ARB2A: variants seen among roughly 807,000 people sequenced by gnomAD.
The protein encoded by ARB2A is cotranscriptional regulator ARB2A.
the ARB2A span, among the ~76,000 whole-genome samples, chr5:93,858,067 C>A: frequency 6.6e-6 from 1 of 152,160 alleles, no homozygotes; most frequent in Admixed American, 6.5e-5. Context: ...AGAAAAGGCA[C>A]ATAAGGCAAA....
chr5:93,784,645 T>C, the ARB2A span: 2 of 598,056 alleles, frequency 3.3e-6, no homozygotes, highest in Admixed American at 3.0e-5. Flanking sequence ...TTTTTTGCAT[T>C]GAACACACAC....
chr5:93,812,711 A>G, the ARB2A span, among the ~76,000 whole-genome samples: 1 of 152,200 alleles, frequency 6.6e-6, no homozygotes, highest in African/African-American at 2.4e-5. Flanking sequence ...AAATATTAGA[A>G]GTTTAATATG....
the ARB2A span, among the ~76,000 whole-genome samples, chr5:94,019,537 A>G: frequency 6.6e-6 from 1 of 152,206 alleles, no homozygotes; most frequent in Admixed American, 6.5e-5. Flanking sequence ...ATATGGAAAA[A>G]AGCTCATCAT....
chr5:94,004,766 C>T, the ARB2A span, among the ~76,000 whole-genome samples: 5 of 151,728 alleles, frequency 3.3e-5, no homozygotes, highest in Non-Finnish European at 5.9e-5. Flanking sequence ...CCTCTAGTAA[C>T]ATTTTCATCA....
the ARB2A span, among the ~76,000 whole-genome samples, chr5:93,975,516 C>A: frequency 6.6e-6 from 1 of 151,876 alleles, no homozygotes; most frequent in Non-Finnish European, 1.5e-5. Flanking sequence ...AAATTTGGTT[C>A]TTTGAAAGAT....
At chr5:93,834,188 T>C in the ARB2A span, among the ~76,000 whole-genome samples, 1 of 152,214 alleles carries the variant, frequency 6.6e-6, no homozygotes, top group East Asian at 1.9e-4. Context: ...TAATAAGTGA[T>C]AGTTGAAAGT....
At chr5:93,920,958 G>T in the ARB2A span, among the ~76,000 whole-genome samples, 2 of 151,986 alleles carry the variant, frequency 1.3e-5, no homozygotes, top group Non-Finnish European at 2.9e-5. Context: ...ATTGTGTTTA[G>T]TGTAATACCG....
At chr5:93,764,657 T>C in the ARB2A span, among the ~76,000 whole-genome samples, 1 of 152,112 alleles carries the variant, frequency 6.6e-6, no homozygotes. Flanking sequence ...ACTATTCCTA[T>C]CAATAGAAAA....
the ARB2A span, among the ~76,000 whole-genome samples, chr5:93,628,921 C>G: frequency 6.6e-6 from 1 of 152,226 alleles, no homozygotes; most frequent in South Asian, 2.1e-4. Context: ...TGGAGTAGCA[C>G]TTTTAATTTC....
chr5:93,766,634 T>C, the ARB2A span, among the ~76,000 whole-genome samples: 183 of 152,288 alleles, frequency 1.2e-3, no homozygotes, highest in African/African-American at 4.2e-3. Context: ...AGTGTGGCAA[T>C]TCCTCAGGGA....
chr5:93,937,117 C>T, the ARB2A span, among the ~76,000 whole-genome samples: 1 of 151,800 alleles, frequency 6.6e-6, no homozygotes, highest in African/African-American at 2.4e-5. Flanking sequence ...TCATGATCCG[C>T]CCGCCCCTGC....
chr5:93,851,515 C>T, the ARB2A span, among the ~76,000 whole-genome samples: 1 of 152,110 alleles, frequency 6.6e-6, no homozygotes, highest in Non-Finnish European at 1.5e-5. Flanking sequence ...AGGTTAGTTA[C>T]ACATGTATAC....
the ARB2A span, among the ~76,000 whole-genome samples, chr5:94,031,894 A>G: frequency 6.6e-6 from 1 of 152,246 alleles, no homozygotes; most frequent in African/African-American, 2.4e-5. Context: ...CCATGGCTCA[A>G]GTGAACCAAG....
chr5:93,817,267 A>G, the ARB2A span, among the ~76,000 whole-genome samples: 1 of 152,168 alleles, frequency 6.6e-6, no homozygotes, highest in African/African-American at 2.4e-5. Context: ...ATACTTAGAA[A>G]TAAATTTAAG....
the ARB2A span, among the ~76,000 whole-genome samples, chr5:94,097,856 C>A: frequency 3.3e-5 from 5 of 151,268 alleles, no homozygotes; most frequent in African/African-American, 1.2e-4. Context: ...ACCACCCCAC[C>A]CCACCGCTGG....
the ARB2A span, among the ~76,000 whole-genome samples, chr5:93,859,374 A>G: frequency 6.6e-6 from 1 of 152,106 alleles, no homozygotes; most frequent in East Asian, 1.9e-4. Flanking sequence ...TTAACTCTAG[A>G]CAGAATATAA....
the ARB2A span, among the ~76,000 whole-genome samples, chr5:93,982,662 G>GTA: frequency 6.6e-6 from 1 of 152,154 alleles, no homozygotes; most frequent in Admixed American, 6.5e-5. Context: ...AGGCTACATG[G>GTA]TATAGCCTAC....
the ARB2A span, among the ~76,000 whole-genome samples, chr5:94,010,707 T>C: frequency 6.6e-6 from 1 of 152,122 alleles, no homozygotes; most frequent in East Asian, 1.9e-4. Flanking sequence ...CTTTGAATTG[T>C]AAGGTTTTTT....
the ARB2A span, among the ~76,000 whole-genome samples, chr5:94,093,321 C>T: frequency 6.6e-6 from 1 of 152,070 alleles, no homozygotes; most frequent in African/African-American, 2.4e-5. Flanking sequence ...ATACCATACA[C>T]AGGGTGGGTT....
Sources: allele counts gnomAD v4.1 joint callset (sites outside exome capture counted in the v4.1 genomes callset), GRCh38; gene constraint gnomAD v4.1.1; transcripts MANE v1.5; gene names NCBI Gene and HGNC (gene_info 2026-07-23, HGNC 2026-07-21).